Variants in KLHDC10 observed in about 807,000 individuals in gnomAD.
The protein encoded by KLHDC10 is kelch domain containing 10, also known as kelch domain-containing protein 10.
In KLHDC10, 24 loss-of-function variants were observed where a neutral mutation model predicts 56.1. The ratio of observed to expected loss-of-function variants is 0.43; its 90% CI spans 0.31 to 0.60. KLHDC10 has a LOEUF of 0.60. KLHDC10 is among the 20% of genes least tolerant of loss of function. The pLI is 0.11. For missense variants in KLHDC10, 349 were observed against 567.0 expected (o/e 0.62, Z 3.91); for synonymous variants, 188 against 207.1 (o/e 0.91, Z 0.79).
At chr7:130,128,890 AT>A (rs1382994406) in intron 8 of KLHDC10, among the ~76,000 whole-genome samples, 9,351 of 44,452 alleles carry the variant, frequency 0.21, 675 homozygotes, top group East Asian at 0.36. Context: ...AAAAAAAAAA[AT>A]ATATATATAT....
intron 1 of KLHDC10, among the ~76,000 whole-genome samples, chr7:130,088,516 C>T (rs1413407428): frequency 6.7e-6 from 1 of 149,354 alleles, no homozygotes; most frequent in Non-Finnish European, 1.5e-5. Context: ...CCTCGAGTGA[C>T]CCACCTTCCT....
At chr7:130,113,457 C>G (rs1181597391) in intron 2 of KLHDC10, among the ~76,000 whole-genome samples, 2 of 152,046 alleles carry the variant, frequency 1.3e-5, no homozygotes, top group Non-Finnish European at 2.9e-5. Flanking sequence ...CTCAGCCTTC[C>G]GAGTAGCTGG....
In KLHDC10 at chr7:130,083,876, T is replaced by C. The variant is rs182829799; in HGVS notation, c.167-13045T>C. Among the ~76,000 whole-genome samples the C allele has an allele frequency of 1.6e-4, 25 of 152,302 alleles. No homozygotes were observed. In the East Asian group the frequency reaches 4.4e-3, roughly 27 times the overall value. On this transcript the variant is annotated intron_variant, in intron 1 of 9. Transcript: ENST00000335420. ...CTTTTGGCTTCCTGGGTGTCAGGTC[T>C]CGTTTTCTTATGTGTCTGGCCTCAT...
At chr7:130,102,083 A>T (rs1795938733) in intron 2 of KLHDC10, among the ~76,000 whole-genome samples, 1 of 152,092 alleles carries the variant, frequency 6.6e-6, no homozygotes. Context: ...GGAGAACAAG[A>T]AGAGGAGCTC....
chr7:130,109,133 C>A (rs1055717791), intron 2 of KLHDC10, among the ~76,000 whole-genome samples: 1 of 151,996 alleles, frequency 6.6e-6, no homozygotes, highest in Non-Finnish European at 1.5e-5. Flanking sequence ...TCTCGAACTC[C>A]TAATCTCAAG....
chr7:130,073,630 A>T (rs979721851), intron 1 of KLHDC10, among the ~76,000 whole-genome samples: 2 of 152,100 alleles, frequency 1.3e-5, no homozygotes, highest in African/African-American at 4.8e-5. Flanking sequence ...TTCTCTACCA[A>T]GACTTCCAGT....
At chr7:130,093,006 C>CT (rs35856642) in intron 1 of KLHDC10, among the ~76,000 whole-genome samples, 18,347 of 142,392 alleles carry the variant, frequency 0.13, 1,305 homozygotes, top group East Asian at 0.33. Context: ...TTAATTATGT[C>CT]TTTTTTTTTT....
In KLHDC10 at chr7:130,120,961, G is replaced by T; in HGVS notation, c.630+58G>T. On this transcript the variant is annotated intron_variant, in intron 4 of 9. Transcript: ENST00000335420. The surrounding 1 kb of genome is among the most constrained non-coding windows in gnomAD (Gnocchi z 5.1). ...TTCATATTTTTCTAGTCTGGGGATG[G>T]TGTTAGAATATTTGTAATTGTTACC... 1.3e-6 allele frequency: 2 copies of T among 1,503,258 alleles called. No homozygotes were observed. Among genetic ancestry groups the T allele is most frequent in the Middle Eastern group, 1.8e-4 (1 of 5,696 alleles). 93.1% of individuals were successfully genotyped at this position (1,503,258 alleles called of 1,614,324 possible). A position where few individuals can be genotyped will look rare whatever the true frequency, so the allele number is the denominator to read the frequency against.
intron 8 of KLHDC10, among the ~76,000 whole-genome samples, chr7:130,128,382 C>T (rs757162307): frequency 2.6e-5 from 4 of 152,156 alleles, no homozygotes; most frequent in African/African-American, 9.7e-5. Flanking sequence ...AACCTTAGTT[C>T]TAGGCATTTC....
rs772861272 is a variant in KLHDC10, at chr7:130,119,772, AG to A, written c.476-975del. Reference sequence around the variant, plus strand: ...GGCAGGAGAATCACCTGAACCTGGGAGGTGGAGGTTGCAGTGAGCTGAGATC... The same window carrying A: ...GGCAGGAGAATCACCTGAACCTGGGAGTGGAGGTTGCAGTGAGCTGAGATC... On this transcript the variant is annotated intron_variant, in intron 3 of 9. Transcript: ENST00000335420. Among the ~76,000 whole-genome samples the A allele has an allele frequency of 1.4e-3, 193 of 140,514 alleles. 4 individuals are homozygous for A. The highest frequency in any genetic ancestry group is 6.1e-4 in the Non-Finnish European group (40 of 65,646). The allele number at this position is 140,514 out of a possible 152,430, so 92.2% of individuals were successfully genotyped here. A position where few individuals can be genotyped will look rare whatever the true frequency, so the allele number is the denominator to read the frequency against.
chr7:130,123,024 G>GATGT (rs1030297493), intron 5 of KLHDC10, among the ~76,000 whole-genome samples: 11 of 137,678 alleles, frequency 8.0e-5, no homozygotes, highest in Non-Finnish European at 1.5e-4. Context: ...TGTATGGATG[G>GATGT]ATGGATGGAT....
rs752215727 is a variant in KLHDC10 at position 130,129,470 on chromosome 7, T to C, written c.1013T>C (p.Val338Ala). The C allele has an allele frequency of 5.0e-6, 8 of 1,614,032 alleles. No homozygotes were observed. In the Admixed American group the frequency reaches 5.0e-5, roughly 10 times the overall value. Residue 338 changes from valine to alanine, a missense_variant, in exon 9 of 10, where the codon GTG (valine) becomes GCG (alanine). Val to Ala is a moderately conservative substitution (Grantham distance 64). Coordinates refer to ENST00000335420, the MANE Select transcript of KLHDC10 (RefSeq NM_014997.4). ...ATTTGTGGGGGCTATAATGGAGAGG[T>C]GATCCTGGGAGATATCTGGAAGTTG... ...VFICGGYNGE[V>A]ILGDIWKLNL...
chr7:130,108,860 G>A (rs571873664), intron 2 of KLHDC10, among the ~76,000 whole-genome samples: 2 of 151,432 alleles, frequency 1.3e-5, no homozygotes, highest in East Asian at 3.9e-4. Flanking sequence ...TACACAATAC[G>A]CACATACATA....
rs1563108510 is a variant in KLHDC10 at position 130,131,369 on chromosome 7, C to T, written c.*623C>T. 1 of 152,604 alleles carries T rather than the reference C, an allele frequency of 6.6e-6. No individual in the cohort carries two copies. Among genetic ancestry groups the T allele is most frequent in the African/African-American group, 2.4e-5 (1 of 41,444 alleles). The allele number at this position is 152,604 out of a possible 1,614,324, so 9.5% of individuals were successfully genotyped here. A position where few individuals can be genotyped will look rare whatever the true frequency, so the allele number is the denominator to read the frequency against. ...TGGCTTTGAAGGAAGGTTAAGCAGC[C>T]CAGCAACTCTTGGTTAGTGATTTCT... On this transcript the variant is annotated 3_prime_UTR_variant, in exon 10 of 10. Transcript: ENST00000335420.
At chr7:130,089,611 T>TA (rs1359859800) in intron 1 of KLHDC10, among the ~76,000 whole-genome samples, 3 of 152,216 alleles carry the variant, frequency 2.0e-5, no homozygotes, top group Non-Finnish European at 4.4e-5. Context: ...TGTGAAATTT[T>TA]AAAAAGGTTC....
At chr7:130,070,894 T>A (rs1795399286) in intron 1 of KLHDC10, 85 bp downstream of exon 1, 2 of 1,043,566 alleles carry the variant, frequency 1.9e-6, no homozygotes, top group South Asian at 8.3e-5. Context: ...TGCTTTTCCT[T>A]GGGAGGAGGA....
Position 130,127,389 on chromosome 7 carries a change from TTGTG to T in KLHDC10, c.932-11_932-8del. ...TCTGTAAGTAATGGAACTTCTGTGT[TTGTG>T]TGTTTGGCAGGCTTTCCTGCAGCCC... is the stretch of plus-strand genomic sequence containing the variant. On this transcript the variant is annotated splice_polypyrimidine_tract_variant and intron_variant, in intron 7 of 9. Transcript: ENST00000335420. 27 of 1,610,866 alleles carry T rather than the reference TTGTG, an allele frequency of 1.7e-5. No homozygotes were observed. The highest frequency in any genetic ancestry group is 2.3e-5 in the Non-Finnish European group (27 of 1,177,048).
chr7:130,123,244 G>A (rs958484232), intron 5 of KLHDC10, among the ~76,000 whole-genome samples: 1 of 152,088 alleles, frequency 6.6e-6, no homozygotes, highest in Non-Finnish European at 1.5e-5. Flanking sequence ...TGAGGCAGGC[G>A]GATCACGAGG....
chr7:130,107,843 C>CAAA (rs3043725), intron 2 of KLHDC10, among the ~76,000 whole-genome samples: 1,088 of 25,526 alleles, frequency 0.043, 152 homozygotes, highest in Non-Finnish European at 0.044. Context: ...GACTCCGTCT[C>CAAA]AAAAAAAAAA....
Sources: gnomAD v4.1 joint callset for allele counts (sites outside exome capture counted in the v4.1 genomes callset) on GRCh38, gnomAD v4.1.1 for gene constraint, Gnocchi (gnomAD v3.1) non-coding constraint, MANE v1.5 for transcripts, NCBI Gene and HGNC (gene_info 2026-07-23, HGNC 2026-07-21) for gene names.